The following PROM1 variants were observed in gnomAD, a reference collection of about 807,000 sequenced individuals.
The protein encoded by PROM1 is prominin-1.
PROM1 carries 105 observed loss-of-function variants against 116.9 expected under a neutral mutation model. That is an observed-to-expected ratio of 0.90 (90% CI 0.77 to 1.06). PROM1 has a LOEUF of 1.06. PROM1 is among the 50% of genes least tolerant of loss of function. The probability of loss-of-function intolerance (pLI) is 0.00; values close to 1 mark genes in which losing one functional copy is unlikely to be tolerated. For missense variants in PROM1, 1,122 were observed against 1,045.2 expected (o/e 1.07, Z -1.01); for synonymous variants, 393 against 387.0 (o/e 1.02, Z -0.18).
intron 8 of PROM1, among the ~76,000 whole-genome samples, chr4:16,021,606 C>T (rs757446804): frequency 4.6e-5 from 7 of 152,166 alleles, no homozygotes; most frequent in Non-Finnish European, 8.8e-5. Context: ...CACTGACGCA[C>T]GAGGGATCCA....
At chr4:16,079,714 A>G (rs978856034) in intron 1 of PROM1, among the ~76,000 whole-genome samples, 7 of 152,134 alleles carry the variant, frequency 4.6e-5, no homozygotes, top group African/African-American at 1.7e-4. Context: ...CTGGGGACTG[A>G]TCCTTCAAAC....
intron 22 of PROM1, among the ~76,000 whole-genome samples, chr4:15,984,901 G>A (rs374283790): frequency 3.9e-5 from 6 of 152,234 alleles, no homozygotes; most frequent in East Asian, 3.9e-4. Flanking sequence ...CTCCACCCCC[G>A]GCCTGTGGAA....
At chr4:15,979,642 CTACT>C (rs1717249339) in intron 25 of PROM1, among the ~76,000 whole-genome samples, 179 bp from the exon 26 acceptor site, 1 of 152,176 alleles carries the variant, frequency 6.6e-6, no homozygotes, top group South Asian at 2.1e-4. Flanking sequence ...GACCAAAGGA[CTACT>C]TTATAGATTA....
chr4:15,974,300 GA>G (rs538545557), intron 26 of PROM1, among the ~76,000 whole-genome samples: 3 of 148,828 alleles, frequency 2.0e-5, no homozygotes, highest in East Asian at 2.0e-4. Flanking sequence ...AGCATCGTTG[GA>G]AAAAAAAAAT....
At chr4:15,991,372 T>C (rs1237838764) in intron 17 of PROM1, 79 bp from the exon 18 acceptor site, 2 of 914,456 alleles carry the variant, frequency 2.2e-6, no homozygotes, top group East Asian at 5.8e-5. Flanking sequence ...GGCAACAGAT[T>C]AAACATGGAT....
intron 18 of PROM1, among the ~76,000 whole-genome samples, chr4:15,990,632 G>A (rs1205428181): frequency 1.3e-5 from 2 of 152,184 alleles, no homozygotes; most frequent in East Asian, 1.9e-4. Context: ...AGAGCAGAGG[G>A]TGGAAGGCTG....
At chr4:16,081,186 T>C (rs1391523461) in intron 1 of PROM1, among the ~76,000 whole-genome samples, 1 of 152,038 alleles carries the variant, frequency 6.6e-6, no homozygotes, top group Non-Finnish European at 1.5e-5. Context: ...TTACATTAGG[T>C]ATATGTCCTA....
chr4:16,077,820 C>A (rs565531569), intron 1 of PROM1, among the ~76,000 whole-genome samples: 1 of 152,234 alleles, frequency 6.6e-6, no homozygotes, highest in African/African-American at 2.4e-5. Flanking sequence ...TTCTCTTTGC[C>A]GCTGGAGATA....
chr4:16,043,567 G>A (rs1042488740), intron 2 of PROM1, among the ~76,000 whole-genome samples: 7 of 152,232 alleles, frequency 4.6e-5, no homozygotes, highest in South Asian at 2.1e-4. Flanking sequence ...AGTCCTCCAA[G>A]CGCAAGGCAA....
rs1190277699 is a variant in PROM1 at position 15,999,008 on chromosome 4, G to A, written c.1579-520C>T. 2.6e-5 allele frequency among the ~76,000 whole-genome samples: 4 copies of A among 151,998 alleles called. No homozygotes were observed. The East Asian group carries it at 7.8e-4, about 30-fold the overall frequency. ...GCATCCCAAAGTGCTGGGATTACAG[G>A]CGTGAGCCACCACGCCGAGAACTCT... On this transcript the variant is annotated intron_variant, in intron 14 of 27. Coordinates refer to ENST00000447510, the MANE Select transcript of PROM1 (RefSeq NM_006017.3).
In PROM1 at chr4:16,075,733, T is replaced by C. The variant is rs200454010; in HGVS notation, c.174A>G (p.Leu58=). The change falls in exon 2 of 28, where the codon CTA becomes CTG. Residue 58 remains leucine (L), a synonymous_variant. Coordinates refer to ENST00000447510, the MANE Select transcript of PROM1 (RefSeq NM_006017.3). Reference sequence around the variant, plus strand: ...GTACCACATAGAGAAAGATATGCACTAGTTCAAAGAGAATGCCAATGGGTC... The same window carrying C: ...GTACCACATAGAGAAAGATATGCACCAGTTCAAAGAGAATGCCAATGGGTC... ...KAGPIGILFE[L]VHIFLYVVQP... 5 of 1,613,808 alleles carry C rather than the reference T, an allele frequency of 3.1e-6. No individual in the cohort carries two copies. The highest frequency in any genetic ancestry group is 4.2e-6 in the Non-Finnish European group (5 of 1,179,828).
At chr4:15,982,101 A>C (rs1010371375) in intron 23 of PROM1, among the ~76,000 whole-genome samples, 1 of 152,218 alleles carries the variant, frequency 6.6e-6, no homozygotes, top group Non-Finnish European at 1.5e-5. Flanking sequence ...AGCATCCTAC[A>C]CTTGGCCTGC....
At chr4:15,982,945 A>G (rs1197019817) in intron 23 of PROM1, among the ~76,000 whole-genome samples, 3 of 152,172 alleles carry the variant, frequency 2.0e-5, no homozygotes, top group Non-Finnish European at 4.4e-5. Flanking sequence ...CAGACAGGGC[A>G]ATAGGGATGA....
At chr4:16,082,767 G>T (rs927941121) in intron 1 of PROM1, among the ~76,000 whole-genome samples, 2 of 152,174 alleles carry the variant, frequency 1.3e-5, no homozygotes, top group African/African-American at 4.8e-5. Context: ...TTGCCAGAGA[G>T]AAGGGGTTCT....
At chr4:16,058,789 TA>T (rs1388645646) in intron 2 of PROM1, among the ~76,000 whole-genome samples, 7 of 151,464 alleles carry the variant, frequency 4.6e-5, no homozygotes, top group Non-Finnish European at 8.8e-5. Context: ...CTCAAAAGGC[TA>T]AAAAAAAGTA....
chr4:16,004,791 G>A (rs1476071546), intron 13 of PROM1, among the ~76,000 whole-genome samples: 1 of 148,536 alleles, frequency 6.7e-6, no homozygotes, highest in East Asian at 2.1e-4. Context: ...TCTGTCCACA[G>A]GTACTTGCAG....
chr4:16,033,266 C>T, intron 5 of PROM1, 38 bp downstream of exon 5: 1 of 1,544,634 alleles, frequency 6.5e-7, no homozygotes, highest in Non-Finnish European at 8.9e-7. Flanking sequence ...CTTCATCAGC[C>T]TAAAACACAA....
intron 8 of PROM1, among the ~76,000 whole-genome samples, chr4:16,022,525 A>T (rs540139512): frequency 6.6e-6 from 1 of 152,234 alleles, no homozygotes; most frequent in Admixed American, 6.5e-5. Context: ...ACTATAAGGC[A>T]TGCCAAAAGG....
At position 16,062,083 on chromosome 4, in the gene PROM1, G is replaced by A. The variant is rs1666931136; in HGVS notation, c.220+13604C>T. Among the ~76,000 whole-genome samples the A allele has an allele frequency of 3.3e-5, 5 of 151,808 alleles. No individual in the cohort carries two copies. The South Asian group carries it at 1.0e-3, about 32-fold the overall frequency. ...ATTTTTTTGTATTTTTAGTAGAGAC[G>A]GGGTTTCACCGTGTTGGCCAGGCTG... On this transcript the variant is annotated intron_variant, in intron 2 of 27. Coordinates refer to ENST00000447510, the MANE Select transcript of PROM1 (RefSeq NM_006017.3).
Sources: allele counts gnomAD v4.1 joint callset (sites outside exome capture counted in the v4.1 genomes callset), GRCh38; gene constraint gnomAD v4.1.1; transcripts MANE v1.5; gene names NCBI Gene and HGNC (gene_info 2026-07-23, HGNC 2026-07-21).